CUX2: variants seen among roughly 807,000 people sequenced by gnomAD.
CUX2 encodes cut like homeobox 2.
A neutral mutation model predicts 144.8 loss-of-function variants in CUX2; 40 were observed. The observed-to-expected ratio is 0.28, with a 90% CI of 0.21 to 0.36. The LOEUF is 0.36. CUX2 is among the 10% of genes least tolerant of loss of function. The probability of loss-of-function intolerance (pLI) is 1.00; values close to 1 mark genes in which losing one functional copy is unlikely to be tolerated. For synonymous variants in CUX2, 827 were observed against 875.6 expected (o/e 0.94, Z 0.98); for missense variants, 1,615 against 1,994.0 (o/e 0.81, Z 3.62).
chr12:111,093,951 T>C (rs1013148741), intron 1 of CUX2, among the ~76,000 whole-genome samples: 6 of 152,216 alleles, frequency 3.9e-5, no homozygotes, highest in African/African-American at 1.2e-4. Flanking sequence ...CAGGAGCCAA[T>C]TGATGTTTAT....
intron 1 of CUX2, among the ~76,000 whole-genome samples, chr12:111,097,404 G>A (rs1419432299): frequency 6.6e-6 from 1 of 152,238 alleles, no homozygotes; most frequent in Non-Finnish European, 1.5e-5. Context: ...TCCATCTCCA[G>A]AGAGCAGGAT....
At chr12:111,036,467 C>G (rs1869451852) in intron 1 of CUX2, among the ~76,000 whole-genome samples, 1 of 152,154 alleles carries the variant, frequency 6.6e-6, no homozygotes, top group African/African-American at 2.4e-5. Context: ...TTGATTCCAG[C>G]TGGACGCCCA....
At chr12:111,225,767 T>C (rs1353621354) in intron 3 of CUX2, among the ~76,000 whole-genome samples, 4 of 152,214 alleles carry the variant, frequency 2.6e-5, no homozygotes, top group Non-Finnish European at 5.9e-5. Context: ...TGCTGAACTG[T>C]TCTTTCAGGC....
At chr12:111,327,235 G>A (rs1026308864) in intron 18 of CUX2, among the ~76,000 whole-genome samples, 4 of 152,214 alleles carry the variant, frequency 2.6e-5, no homozygotes, top group Non-Finnish European at 4.4e-5. Flanking sequence ...CATACAGGCT[G>A]TAGTATGCAT....
chr12:111,085,369 A>G (rs1381279292), intron 1 of CUX2, among the ~76,000 whole-genome samples: 1 of 152,218 alleles, frequency 6.6e-6, no homozygotes, highest in East Asian at 1.9e-4. Flanking sequence ...ACCAGCATGC[A>G]TCTGAGCAGG....
At chr12:111,164,660 G>GC (rs1365528313) in intron 1 of CUX2, among the ~76,000 whole-genome samples, 2 of 152,026 alleles carry the variant, frequency 1.3e-5, no homozygotes, top group South Asian at 2.1e-4. Context: ...AATTGGATCA[G>GC]CCCCCCAAGG....
chr12:111,102,500 C>A (rs1342378554), intron 1 of CUX2, among the ~76,000 whole-genome samples: 1 of 152,224 alleles, frequency 6.6e-6, no homozygotes, highest in Non-Finnish European at 1.5e-5. Context: ...CCTGAGCCCA[C>A]CCCACCTTCA....
In CUX2 at chr12:111,263,919, G is replaced by A; in HGVS notation, c.301+80G>A. The A allele has an allele frequency of 7.4e-7, 1 of 1,346,892 alleles. No individual in the cohort carries two copies. Among genetic ancestry groups the A allele is most frequent in the Non-Finnish European group, 1.1e-6 (1 of 938,282 alleles). The allele number at this position is 1,346,892 out of a possible 1,614,324, so 83.4% of individuals were successfully genotyped here. ...AGGACTGTGACACAGGGACTTTGAGGTGGGATGTGGGGACATGCCTGGGCT... is the reference window on the plus strand; with the variant it reads ...AGGACTGTGACACAGGGACTTTGAGATGGGATGTGGGGACATGCCTGGGCT... On this transcript the variant is annotated intron_variant, in intron 4 of 21. Transcript: ENST00000261726. The surrounding 1 kb of genome is among the most constrained non-coding windows in gnomAD (Gnocchi z 4.0).
chr12:111,207,348 G>A lies in CUX2; in HGVS notation c.64-6852G>A, dbSNP rs142139003. Among the ~76,000 whole-genome samples, 4 of 152,318 alleles carry A rather than the reference G, an allele frequency of 2.6e-5. No individual in the cohort carries two copies. In the East Asian group the frequency reaches 7.7e-4, roughly 29 times the overall value. ...AATTACTTATACCCAAGCTTGTCTG[G>A]TTTCTGAGCTCTTGGAGGATCCAGG... On this transcript the variant is annotated intron_variant, in intron 1 of 21. Coordinates refer to ENST00000261726, the MANE Select transcript of CUX2 (RefSeq NM_015267.4).
rs529115207 is a variant in CUX2 at position 111,092,091 on chromosome 12, G to A, written c.63+57851G>A. Among the ~76,000 whole-genome samples, 76 of 152,354 alleles carry A rather than the reference G, an allele frequency of 5.0e-4. 1 individual carries two copies. Among genetic ancestry groups the A allele is most frequent in the African/African-American group, 1.8e-3 (73 of 41,582 alleles). On this transcript the variant is annotated intron_variant, in intron 1 of 21. Transcript: ENST00000261726. Reference sequence around the variant, plus strand: ...AATAAGGTCACATTCTGAGGTTCAAGATGATGTGAATTTTAGGGTACCACA... The same window carrying A: ...AATAAGGTCACATTCTGAGGTTCAAAATGATGTGAATTTTAGGGTACCACA...
At chr12:111,249,186 C>T (rs974584402) in intron 3 of CUX2, among the ~76,000 whole-genome samples, 1 of 152,178 alleles carries the variant, frequency 6.6e-6, no homozygotes, top group African/African-American at 2.4e-5. Flanking sequence ...CATCCCTTTA[C>T]TCACACAGCG....
intron 16 of CUX2, among the ~76,000 whole-genome samples, chr12:111,314,575 G>A (rs768036571): frequency 6.8e-6 from 1 of 147,148 alleles, no homozygotes; most frequent in East Asian, 2.0e-4. Flanking sequence ...GGGAGGCAAA[G>A]GTTGCAGTAA....
intron 1 of CUX2, among the ~76,000 whole-genome samples, chr12:111,147,060 G>A (rs184776796): frequency 1.2e-3 from 185 of 152,256 alleles, no homozygotes; most frequent in African/African-American, 3.8e-3. Flanking sequence ...GCTTGAACTC[G>A]GGAGGCAGTG....
In CUX2 at chr12:111,350,463, G is replaced by A. The variant is rs1259376470; in HGVS notation, c.*2138G>A. The A allele has an allele frequency of 2.0e-5, 3 of 152,294 alleles. No homozygotes were observed. Among genetic ancestry groups the A allele is most frequent in the South Asian group, 2.1e-4 (1 of 4,814 alleles). The allele number at this position is 152,294 out of a possible 1,614,324, so 9.4% of individuals were successfully genotyped here. A position where few individuals can be genotyped will look rare whatever the true frequency, so the allele number is the denominator to read the frequency against. On this transcript the variant is annotated 3_prime_UTR_variant, in exon 22 of 22. Coordinates refer to ENST00000261726, the MANE Select transcript of CUX2 (RefSeq NM_015267.4). ...AAACACACACACACATACACAAACCGTTTCTATGAGAGATTGATGAACTTT... is the reference window on the plus strand; with the variant it reads ...AAACACACACACACATACACAAACCATTTCTATGAGAGATTGATGAACTTT...
chr12:111,197,061 G>A (rs567917898), intron 1 of CUX2, among the ~76,000 whole-genome samples: 5 of 152,192 alleles, frequency 3.3e-5, no homozygotes, highest in African/African-American at 4.8e-5. Context: ...GAGAGTGGAC[G>A]GGCTCTGGAG....
intron 4 of CUX2, among the ~76,000 whole-genome samples, chr12:111,288,037 G>T (rs1406020863): frequency 6.6e-6 from 1 of 152,210 alleles, no homozygotes; most frequent in African/African-American, 2.4e-5. Context: ...ACATGCATTA[G>T]AACTGCAGTG....
intron 19 of CUX2, 57 bp downstream of exon 19, chr12:111,334,767 G>A (rs1888272626): frequency 6.6e-7 from 1 of 1,525,206 alleles, no homozygotes; most frequent in African/African-American, 1.4e-5. Context: ...GCTCCTACTT[G>A]CCTTGAAAAG....
At chr12:111,054,250 G>A (rs148592576) in intron 1 of CUX2, among the ~76,000 whole-genome samples, 119 of 152,358 alleles carry the variant, frequency 7.8e-4, no homozygotes, top group African/African-American at 2.7e-3. Flanking sequence ...ACAGGGCTGG[G>A]TTCTGGGGGT....
At chr12:111,155,027 T>C (rs770280859) in intron 1 of CUX2, among the ~76,000 whole-genome samples, 29 of 152,192 alleles carry the variant, frequency 1.9e-4, no homozygotes, top group Non-Finnish European at 4.0e-4. Flanking sequence ...ATCTGTATGA[T>C]GGGAATAAGA....
Sources: gnomAD v4.1 joint callset for allele counts (sites outside exome capture counted in the v4.1 genomes callset) on GRCh38, gnomAD v4.1.1 for gene constraint, Gnocchi (gnomAD v3.1) non-coding constraint, MANE v1.5 for transcripts, NCBI Gene and HGNC (gene_info 2026-07-23, HGNC 2026-07-21) for gene names.